The following ABCB8 variants were observed in gnomAD, a reference collection of about 807,000 sequenced individuals.
ABCB8 encodes mitochondrial potassium channel ATP-binding subunit.
ABCB8 carries 52 observed loss-of-function variants against 73.0 expected under a neutral mutation model. That is an observed-to-expected ratio of 0.71 (90% CI 0.57 to 0.90). The LOEUF (loss-of-function observed/expected upper bound fraction) is 0.90, where lower values mean the gene tolerates loss of function less well. ABCB8 is among the 40% of genes least tolerant of loss of function. The probability of loss-of-function intolerance (pLI) is 0.00; values close to 1 mark genes in which losing one functional copy is unlikely to be tolerated. For missense variants in ABCB8, 909 were observed against 974.6 expected (o/e 0.93, Z 0.90); for synonymous variants, 428 against 423.5 (o/e 1.01, Z -0.13).
intron 12 of ABCB8, 26 bp from the exon 13 acceptor site, chr7:151,041,073 C>T (rs766211252): frequency 1.2e-6 from 2 of 1,613,586 alleles, no homozygotes; most frequent in South Asian, 1.1e-5. Context: ...TCCCTGGCCT[C>T]CCTCCCTCTC....
Position 151,031,297 on chromosome 7 carries a change from C to T in ABCB8, c.96-2308C>T, listed in dbSNP as rs182407134. ...TTACACAAGGCAGAAGGAGAGTAAG[C>T]GTCTCTATCTTTCTAATAGAAACAA... On this transcript the variant is annotated intron_variant, in intron 1 of 15. Transcript: ENST00000358849. 6.5e-4 allele frequency: 1,005 copies of T among 1,548,224 alleles called. 4 individuals are homozygous for T. The African/African-American group carries it at 0.012, about 18-fold the overall frequency.
intron 14 of ABCB8, among the ~76,000 whole-genome samples, chr7:151,043,761 A>G (rs1230624723): frequency 2.2e-5 from 2 of 90,696 alleles, no homozygotes; most frequent in Non-Finnish European, 4.2e-5. Context: ...GGTCAGAGGC[A>G]GGAGGAGGGT....
Position 151,046,951 on chromosome 7 carries a change from T to C in ABCB8, c.*1602T>C, listed in dbSNP as rs536146974. 6.6e-6 allele frequency: 1 copy of C among 152,480 alleles called. No individual in the cohort carries two copies. Among genetic ancestry groups the C allele is most frequent in the Non-Finnish European group, 1.5e-5 (1 of 68,120 alleles). 9.4% of individuals were successfully genotyped at this position (152,480 alleles called of 1,614,324 possible). A position where few individuals can be genotyped will look rare whatever the true frequency, so the allele number is the denominator to read the frequency against. On this transcript the variant is annotated 3_prime_UTR_variant, in exon 16 of 16. Coordinates refer to ENST00000358849, the MANE Select transcript of ABCB8 (RefSeq NM_007188.5). ...TCCTGACAGATCAGAGGCTGTGTCTTTAAGCAGTGGAGGTCCAGGAGCAGA... is the reference window on the plus strand; with the variant it reads ...TCCTGACAGATCAGAGGCTGTGTCTCTAAGCAGTGGAGGTCCAGGAGCAGA...
intron 9 of ABCB8, 141 bp downstream of exon 9, chr7:151,036,790 A>G (rs571183593): frequency 1.2e-6 from 1 of 809,100 alleles, no homozygotes; most frequent in Admixed American, 1.8e-5. Context: ...CCAGGGATGC[A>G]TAGGGTGGGG....
In ABCB8 at chr7:151,044,276, A is replaced by G; in HGVS notation, c.2016+55A>G. On this transcript the variant is annotated intron_variant, in intron 15 of 15. Transcript: ENST00000358849. ...GGTTGAGGATGGCTTCATCACGGACAGTGGCACAATGCTGCAATGAGTTAT... is the reference window on the plus strand; with the variant it reads ...GGTTGAGGATGGCTTCATCACGGACGGTGGCACAATGCTGCAATGAGTTAT... 9 of 1,571,820 alleles carry G rather than the reference A, an allele frequency of 5.7e-6. No individual in the cohort carries two copies. The South Asian group carries it at 6.8e-5, about 12-fold the overall frequency.
At chr7:151,040,155 A>T (rs1256346351) in intron 9 of ABCB8, 113 bp from the exon 10 acceptor site, 1 of 1,270,370 alleles carries the variant, frequency 7.9e-7, no homozygotes, top group African/African-American at 1.5e-5. Flanking sequence ...CAGTCTCTGC[A>T]TTTGGCCACA....
Position 151,034,499 on chromosome 7 carries a change from T to C in ABCB8, c.565-6T>C. ...GCATCCCTGAGTGCACTGGGCTCTT[T>C]CGCAGGGACTGCTGACCTTCGGGTA... On this transcript the variant is annotated splice_polypyrimidine_tract_variant and splice_region_variant and intron_variant, in intron 3 of 15. Coordinates refer to ENST00000358849, the MANE Select transcript of ABCB8 (RefSeq NM_007188.5). 6.2e-7 allele frequency: 1 copy of C among 1,613,512 alleles called. No individual in the cohort carries two copies. Among genetic ancestry groups the C allele is most frequent in the Non-Finnish European group, 8.5e-7 (1 of 1,180,002 alleles).
intron 1 of ABCB8, among the ~76,000 whole-genome samples, chr7:151,029,378 G>A (rs1373505243): frequency 6.6e-6 from 1 of 151,336 alleles, no homozygotes; most frequent in Non-Finnish European, 1.5e-5. Flanking sequence ...CAGGTTGGTC[G>A]AGAGAGAGAG....
intron 5 of ABCB8, 145 bp downstream of exon 5, chr7:151,034,974 T>TGA (rs1338269410): frequency 7.9e-5 from 55 of 697,264 alleles, no homozygotes; most frequent in South Asian, 6.9e-4. Flanking sequence ...AGGGCATGGG[T>TGA]GAGGGACCAT....
At position 151,034,553 on chromosome 7, in the gene ABCB8, C is replaced by T. The variant is rs147880676; in HGVS notation, c.613C>T (p.Arg205Cys). Reference protein sequence around the residue: ...YLVLLSHVGERMAVDMRRALF... With the variant: ...YLVLLSHVGECMAVDMRRALF... ...GGTGCTGCTGTCCCACGTTGGCGAG[C>T]GCATGGCTGTGGACATGCGGAGGGC... Residue 205 changes from arginine to cysteine, a missense_variant, in exon 4 of 16, where the codon CGC becomes TGC. Physicochemically the swap from Arg to Cys is radical, Grantham distance 180. Transcript: ENST00000358849. 40 of 1,613,400 alleles carry T rather than the reference C, an allele frequency of 2.5e-5. No homozygotes were observed. Among genetic ancestry groups the T allele is most frequent in the Non-Finnish European group, 3.1e-5 (37 of 1,180,010 alleles).
At chr7:151,029,303 G>GAAA (rs902475140) in intron 1 of ABCB8, among the ~76,000 whole-genome samples, 1 of 119,982 alleles carries the variant, frequency 8.3e-6, no homozygotes. Flanking sequence ...CTCTGCCTCA[G>GAAA]AAAAAAAAAA....
rs1188774247 is a variant in ABCB8, at chr7:151,041,996, C to T, written c.1653C>T (p.Asn551=). Residue 551 remains asparagine (N), a synonymous_variant, in exon 14 of 16, where the codon AAC becomes AAT. Transcript: ENST00000358849. ...PVLFGTTIME[N]IRFGKLEASD... The stretch of plus-strand genomic sequence containing the variant: ...TGTTTGGGACGACCATCATGGAAAA[C>T]ATCCGCTTTGGGAAGCTGGAAGCTT... 9 of 1,612,898 alleles carry T rather than the reference C, an allele frequency of 5.6e-6. No homozygotes were observed. The Admixed American group carries it at 6.7e-5, about 12-fold the overall frequency.
Position 151,034,512 on chromosome 7 carries a change from T to C in ABCB8, c.572T>C (p.Leu191Pro). The change falls in exon 4 of 16, where the codon CTG (leucine) becomes CCG (proline). Residue 191 changes from leucine to proline, a missense_variant. Coordinates refer to ENST00000358849, the MANE Select transcript of ABCB8 (RefSeq NM_007188.5). Reference sequence around the variant, plus strand: ...CACTGGGCTCTTTCGCAGGGACTGCTGACCTTCGGGTACCTGGTGCTGCTG... The same window carrying C: ...CACTGGGCTCTTTCGCAGGGACTGCCGACCTTCGGGTACCTGGTGCTGCTG... Reference protein sequence around the residue: ...LLILYGVQGLLTFGYLVLLSH... With the variant: ...LLILYGVQGLPTFGYLVLLSH... The C allele has an allele frequency of 6.2e-7, 1 of 1,613,492 alleles. No individual in the cohort carries two copies. Among genetic ancestry groups the C allele is most frequent in the African/African-American group, 1.3e-5 (1 of 75,050 alleles).
intron 11 of ABCB8, 39 bp from the exon 12 acceptor site, chr7:151,040,789 G>A (rs1796437790): frequency 6.3e-7 from 1 of 1,589,554 alleles, no homozygotes; most frequent in African/African-American, 1.3e-5. Flanking sequence ...ACAAGGGCTG[G>A]GAGCCTGGTC....
At chr7:151,044,920 G>A (rs915634546) in intron 15 of ABCB8, among the ~76,000 whole-genome samples, 1 of 152,232 alleles carries the variant, frequency 6.6e-6, no homozygotes, top group Non-Finnish European at 1.5e-5. Flanking sequence ...CCAAGGCTGA[G>A]GGGCTCGTGC....
At position 151,040,889 on chromosome 7, in the gene ABCB8, A is replaced by G. The variant is rs1201924835; in HGVS notation, c.1450A>G (p.Lys484Glu). ...CTTCACCCTGACGCTGCCCCCTGGC[A>G]AGATCGTGGCCCTCGTGGGCCAGTC... ...KDFTLTLPPG[K>E]IVALVGQSGG... is the part of the protein sequence containing the mutation. Residue 484 changes from lysine to glutamate, a missense_variant, in exon 12 of 16, where the codon AAG (lysine) becomes GAG (glutamate). By Grantham distance (56) the Lys-to-Glu change is moderately conservative. Coordinates refer to ENST00000358849, the MANE Select transcript of ABCB8 (RefSeq NM_007188.5). 1 of 1,606,678 alleles carries G rather than the reference A, an allele frequency of 6.2e-7. No homozygotes were observed. The highest frequency in any genetic ancestry group is 1.1e-5 in the South Asian group (1 of 90,022).
Position 151,045,325 on chromosome 7 carries a change from C to T in ABCB8, c.2133C>T (p.Pro711=). 1 of 1,588,428 alleles carries T rather than the reference C, an allele frequency of 6.3e-7. No individual in the cohort carries two copies. The highest frequency in any genetic ancestry group is 8.6e-7 in the Non-Finnish European group (1 of 1,167,332). Residue 711 remains proline (P), a synonymous_variant, in exon 16 of 16, where the codon CCC becomes CCT. Transcript: ENST00000358849. The stretch of plus-strand genomic sequence containing the variant: ...CACCGCCCAAAAAGCCAGAAGGCCC[C>T]AGGAGCCACCAGCACAAGTCCTGAG... ...AAPPPKKPEG[P]RSHQHKS
At chr7:151,035,469 G>T in intron 5 of ABCB8, 112 bp from the exon 6 acceptor site, 1 of 1,316,010 alleles carries the variant, frequency 7.6e-7, no homozygotes, top group Non-Finnish European at 1.0e-6. Flanking sequence ...CAGGGGCCAA[G>T]ACCTGGGCCT....
rs772895712 is a variant in ABCB8, at chr7:151,045,300, CA to C, written c.2109del (p.Pro704ArgfsTer43). ...CTGGATGCCCCGAGGACAGCGGCCC[CA>C]CCGCCCAAAAAGCCAGAAGGCCCCA... ...QALDAPRTAAPPPKKPEGPRS... is the reference protein window; with the variant it reads ...QALDAPRTAAXPPKKPEGPRS... On this transcript the variant is annotated frameshift_variant, in exon 16 of 16. Transcript: ENST00000358849. LOFTEE classifies it low-confidence loss of function (END_TRUNC). 3.4e-5 allele frequency: 55 copies of C among 1,600,658 alleles called. No individual in the cohort carries two copies. In the African/African-American group the frequency reaches 6.2e-4, roughly 18 times the overall value.
Sources: gnomAD v4.1 joint callset for allele counts (sites outside exome capture counted in the v4.1 genomes callset) on GRCh38, gnomAD v4.1.1 for gene constraint, MANE v1.5 for transcripts, NCBI Gene and HGNC (gene_info 2026-07-23, HGNC 2026-07-21) for gene names.